Variants in NF1 observed in about 807,000 individuals in gnomAD.
NF1 encodes the protein neurofibromin 1, also known as neurofibromin.
A neutral mutation model predicts 325.7 loss-of-function variants in NF1; 122 were observed. The observed-to-expected ratio is 0.37, with a 90% CI of 0.32 to 0.44. The LOEUF (loss-of-function observed/expected upper bound fraction) is 0.44. NF1 is among the 20% of genes least tolerant of loss of function. The probability of loss-of-function intolerance (pLI) is 1.00; values close to 1 mark genes in which losing one functional copy is unlikely to be tolerated. For missense variants in NF1, 2,140 were observed against 3,415.4 expected, an observed-to-expected ratio of 0.63 and a Z score of 9.31; for synonymous variants, 1,091 against 1,186.0, an observed-to-expected ratio of 0.92 and a Z score of 1.65.
intron 39 of NF1, chr17:31,330,745 C>T: frequency 9.2e-6 from 4 of 436,894 alleles, no homozygotes; most frequent in Non-Finnish European, 1.6e-5. Context: ...GTACTTTACA[C>T]ACCTCTGGAC....
intron 36 of NF1, among the ~76,000 whole-genome samples, chr17:31,302,243 A>G (rs2068589908): frequency 6.6e-6 from 1 of 152,214 alleles, no homozygotes; most frequent in Non-Finnish European, 1.5e-5. Flanking sequence ...GTACTTAAAG[A>G]TATCAGACAA....
chr17:31,308,078 G>T, intron 36 of NF1: 3 of 340,576 alleles, frequency 8.8e-6, no homozygotes, highest in South Asian at 7.5e-5. Context: ...TCTTAAAAGT[G>T]TGCATGATCA....
intron 13 of NF1, among the ~76,000 whole-genome samples, chr17:31,215,014 G>C (rs2066796221): frequency 6.6e-6 from 1 of 152,020 alleles, no homozygotes; most frequent in South Asian, 2.1e-4. Flanking sequence ...CCCTTTCTTT[G>C]TGTTATCAGC....
chr17:31,365,934 T>A (rs1356958550), intron 57 of NF1, among the ~76,000 whole-genome samples: 5 of 130,940 alleles, frequency 3.8e-5, no homozygotes, highest in Admixed American at 3.0e-4. Context: ...ATCTATTTAA[T>A]TTTTTTTTTT....
intron 36 of NF1, chr17:31,305,753 GT>G: frequency 1.3e-6 from 1 of 793,148 alleles, no homozygotes; most frequent in South Asian, 1.9e-5. Flanking sequence ...ATTAGTAGTA[GT>G]TGATTAGTAG....
chr17:31,367,262 G>T (rs2070542868), intron 57 of NF1: 3 of 1,311,814 alleles, frequency 2.3e-6, no homozygotes, highest in African/African-American at 3.0e-5. Flanking sequence ...TTTTCATGCA[G>T]CTGTTCCCTC....
rs9893929 is a variant in NF1, at chr17:31,200,832, G to A, written c.1063-205G>A. Among the ~76,000 whole-genome samples the A allele has an allele frequency of 7.6e-3, 1,161 of 152,214 alleles. 19 individuals are homozygous for A. The highest frequency in any genetic ancestry group is 0.027 in the African/African-American group (1,117 of 41,536). ...ACAGACTTGGGTTTAAAATAATGTG[G>A]CAATTAGGGCCTGAAATGAACCTAT... On this transcript the variant is annotated intron_variant, in intron 9 of 57. Coordinates refer to ENST00000358273, the MANE Select transcript of NF1 (RefSeq NM_001042492.3).
At chr17:31,337,999 A>G (rs762645528) in intron 44 of NF1, 26 bp from the exon 45 acceptor site, 7 of 1,589,132 alleles carry the variant, frequency 4.4e-6, no homozygotes. Flanking sequence ...AGGTTTTTAT[A>G]AGTTCTGTGG....
At chr17:31,197,051 C>CT (rs111486276) in intron 8 of NF1, among the ~76,000 whole-genome samples, 77 of 144,142 alleles carry the variant, frequency 5.3e-4, no homozygotes, top group South Asian at 1.6e-3. Flanking sequence ...TGGGTTTTTC[C>CT]TTTTTTTTTT....
chr17:31,356,409 T>G, intron 51 of NF1, 51 bp from the exon 52 acceptor site: 1 of 1,587,946 alleles, frequency 6.3e-7, no homozygotes, highest in Non-Finnish European at 8.6e-7. Context: ...GTATTCCCAT[T>G]TATAGACACT....
intron 5 of NF1, among the ~76,000 whole-genome samples, chr17:31,177,550 ATGGG>A (rs2066046138): frequency 6.6e-6 from 1 of 152,048 alleles, no homozygotes; most frequent in Non-Finnish European, 1.5e-5. Context: ...GCTTCAGAAG[ATGGG>A]TAATAACAAA....
At chr17:31,338,668 A>C in intron 45 of NF1, 36 bp from the exon 46 acceptor site, 1 of 1,329,732 alleles carries the variant, frequency 7.5e-7, no homozygotes, top group African/African-American at 1.4e-5. Flanking sequence ...TTTTATTTCA[A>C]TGAAAGTAAA....
chr17:31,283,369 A>G (rs900905078), intron 36 of NF1, among the ~76,000 whole-genome samples: 3 of 151,666 alleles, frequency 2.0e-5, no homozygotes, highest in African/African-American at 7.2e-5. Flanking sequence ...GTGAGCTGAG[A>G]TGGCGCCACT....
intron 5 of NF1, among the ~76,000 whole-genome samples, chr17:31,177,010 A>G (rs1203396417): frequency 6.6e-6 from 1 of 152,118 alleles, no homozygotes; most frequent in Non-Finnish European, 1.5e-5. Flanking sequence ...TTTCATATGA[A>G]ATTTAAAGTA....
rs1162388561 is a variant in NF1, at chr17:31,336,792, A to G, written c.6305A>G (p.Tyr2102Cys). 2.5e-6 allele frequency: 4 copies of G among 1,613,792 alleles called. No individual in the cohort carries two copies. The highest frequency in any genetic ancestry group is 2.2e-5 in the East Asian group (1 of 44,836). ...NSLDVAAHLP[Y>C]LFHVVTFLVA... is the part of the protein sequence containing the mutation. The stretch of plus-strand genomic sequence containing the variant: ...CTTGATGTGGCAGCTCATCTTCCCT[A>G]CCTCTTCCACGTTGTTACTTTCTTA... The change falls in exon 42 of 58, where the codon TAC (tyrosine) becomes TGC (cysteine). Residue 2102 changes from tyrosine (Y) to cysteine (C), a missense_variant. Transcript: ENST00000358273. This position sits in a 1 kb window ranked among gnomAD's most constrained non-coding sequence, Gnocchi z 5.5.
At chr17:31,271,844 T>G (rs1487689297) in intron 36 of NF1, among the ~76,000 whole-genome samples, 1 of 151,512 alleles carries the variant, frequency 6.6e-6, no homozygotes, top group Non-Finnish European at 1.5e-5. Context: ...ATCCTTCATC[T>G]CTCTGTCACT....
At chr17:31,096,139 C>G (rs530259460) in intron 1 of NF1, among the ~76,000 whole-genome samples, 112 of 151,516 alleles carry the variant, frequency 7.4e-4, no homozygotes, top group East Asian at 3.9e-3. Flanking sequence ...CTTCCCCCCC[C>G]CCTTTTTTTT....
chr17:31,265,468 T>C (rs2067770348), intron 36 of NF1, 129 bp downstream of exon 36: 1 of 692,604 alleles, frequency 1.4e-6, no homozygotes, highest in Non-Finnish European at 2.6e-6. Flanking sequence ...TGGGAGCATA[T>C]AGCAGGGTAA....
At chr17:31,372,510 A>G (rs573465126) in intron 57 of NF1, among the ~76,000 whole-genome samples, 1 of 152,304 alleles carries the variant, frequency 6.6e-6, no homozygotes, top group African/African-American at 2.4e-5. Flanking sequence ...TTAAAATGTA[A>G]ACACACTTGA....
Sources: gnomAD v4.1 joint callset for allele counts (sites outside exome capture counted in the v4.1 genomes callset) on GRCh38, gnomAD v4.1.1 for gene constraint, Gnocchi (gnomAD v3.1) non-coding constraint, MANE v1.5 for transcripts, NCBI Gene and HGNC (gene_info 2026-07-23, HGNC 2026-07-21) for gene names.